EGFR: variants seen among roughly 807,000 people sequenced by gnomAD.
The protein encoded by EGFR is epidermal growth factor receptor.
EGFR carries 58 observed loss-of-function variants against 143.0 expected under a neutral mutation model. The observed-to-expected ratio is 0.41, with a 90% CI of 0.33 to 0.50. The LOEUF (loss-of-function observed/expected upper bound fraction) is 0.50, where lower values mean the gene tolerates loss of function less well. EGFR is among the 20% of genes least tolerant of loss of function. The probability of loss-of-function intolerance (pLI) is 0.39; values close to 1 mark genes in which losing one functional copy is unlikely to be tolerated. For synonymous variants in EGFR, 613 were observed against 594.4 expected (o/e 1.03, Z -0.45); for missense variants, 1,307 against 1,579.0 (o/e 0.83, Z 2.92).
intron 16 of EGFR, among the ~76,000 whole-genome samples, chr7:55,171,788 C>T (rs1357836485): frequency 2.0e-5 from 3 of 152,150 alleles, no homozygotes; most frequent in Non-Finnish European, 4.4e-5. Flanking sequence ...GTGTTACTCT[C>T]GATGGCGTCT....
intron 15 of EGFR, chr7:55,168,659 TC>T: frequency 7.2e-7 from 1 of 1,397,682 alleles, no homozygotes; most frequent in Non-Finnish European, 9.8e-7. Context: ...ATAAATATTT[TC>T]TTTAGTATGT....
At chr7:55,134,797 A>G (rs1226266593) in intron 1 of EGFR, among the ~76,000 whole-genome samples, 2 of 152,262 alleles carry the variant, frequency 1.3e-5, no homozygotes, top group African/African-American at 2.4e-5. Context: ...AGTTGCTGCC[A>G]TGTGAAGCCT....
intron 1 of EGFR, among the ~76,000 whole-genome samples, chr7:55,134,897 A>T (rs1794051831): frequency 1.3e-5 from 2 of 152,180 alleles, no homozygotes; most frequent in African/African-American, 4.8e-5. Flanking sequence ...TGCCCTGTGA[A>T]ATTCGCCGAG....
chr7:55,138,090 A>G (rs1457566872), intron 1 of EGFR, among the ~76,000 whole-genome samples: 1 of 152,246 alleles, frequency 6.6e-6, no homozygotes, highest in African/African-American at 2.4e-5. Flanking sequence ...AGACTAGAGG[A>G]CCATATCTGA....
At chr7:55,182,840 G>C (rs1584241698) in intron 20 of EGFR, among the ~76,000 whole-genome samples, 1 of 152,176 alleles carries the variant, frequency 6.6e-6, no homozygotes, top group Non-Finnish European at 1.5e-5. Context: ...TCCTATCACT[G>C]TTGTTAGACA....
rs532984983 is a variant in EGFR at position 55,109,045 on chromosome 7, G to C, written c.89-33241G>C. On this transcript the variant is annotated intron_variant, in intron 1 of 27. Transcript: ENST00000275493. ...ACTGCAATAGAGTGATACGCTGGAGGGGGCTGCAAGGGAGAAGGTGGGAGG... is the reference window on the plus strand; with the variant it reads ...ACTGCAATAGAGTGATACGCTGGAGCGGGCTGCAAGGGAGAAGGTGGGAGG... 2.4e-4 allele frequency among the ~76,000 whole-genome samples: 36 copies of C among 152,316 alleles called. 1 individual carries two copies. The highest frequency in any genetic ancestry group is 5.9e-4 in the Admixed American group (9 of 15,298).
Position 55,205,332 on chromosome 7 carries a change from C to A in EGFR, c.3348C>A (p.Asn1116Lys), listed in dbSNP as rs1186762640. ...QNPVYHNQPL[N>K]PAPSRDPHYQ... is the part of the protein sequence containing the mutation. ...CTGTCTATCACAATCAGCCTCTGAA[C>A]CCCGCGCCCAGCAGAGACCCACACT... The change falls in exon 28 of 28, where the codon AAC becomes AAA. Residue 1116 changes from asparagine (N) to lysine (K), a missense_variant. Asn to Lys is a moderately conservative substitution (Grantham distance 94). Coordinates refer to ENST00000275493, the MANE Select transcript of EGFR (RefSeq NM_005228.5). 1 of 1,611,460 alleles carries A rather than the reference C, an allele frequency of 6.2e-7. No individual in the cohort carries two copies. The highest frequency in any genetic ancestry group is 1.1e-5 in the South Asian group (1 of 90,730).
chr7:55,136,657 C>G (rs1363620312), intron 1 of EGFR, among the ~76,000 whole-genome samples: 2 of 152,186 alleles, frequency 1.3e-5, no homozygotes, highest in Non-Finnish European at 2.9e-5. Context: ...GGTGTGAAAG[C>G]AATGCACATT....
intron 16 of EGFR, chr7:55,172,760 G>A (rs1786407891): frequency 1.5e-6 from 2 of 1,305,812 alleles, no homozygotes. Flanking sequence ...TTTAAAAAAT[G>A]AGGAAAAGTG....
In EGFR at chr7:55,208,429, T is replaced by G. The variant is rs1208111560; in HGVS notation, c.*2812T>G. The G allele has an allele frequency of 6.6e-6, 1 of 152,266 alleles. No homozygotes were observed. The highest frequency in any genetic ancestry group is 1.9e-4 in the East Asian group (1 of 5,202). The allele number at this position is 152,266 out of a possible 1,614,324, so 9.4% of individuals were successfully genotyped here. A position where few individuals can be genotyped will look rare whatever the true frequency, so the allele number is the denominator to read the frequency against. ...GGCTGTTTCTTCCTCAGTCAGTTCCTGGAAGACCTTACCCCATGACCCCAG... is the reference window on the plus strand; with the variant it reads ...GGCTGTTTCTTCCTCAGTCAGTTCCGGGAAGACCTTACCCCATGACCCCAG... On this transcript the variant is annotated 3_prime_UTR_variant, in exon 28 of 28. Transcript: ENST00000275493.
At chr7:55,033,621 T>C (rs568234766) in intron 1 of EGFR, among the ~76,000 whole-genome samples, 1 of 152,264 alleles carries the variant, frequency 6.6e-6, no homozygotes, top group South Asian at 2.1e-4. Context: ...GGGCCTGGGC[T>C]CTCACCAGAG....
In EGFR at chr7:55,157,699, C is replaced by G. The variant is rs1274543317; in HGVS notation, c.1244C>G (p.Thr415Arg). 4 of 1,614,206 alleles carry G rather than the reference C, an allele frequency of 2.5e-6. No individual in the cohort carries two copies. Among genetic ancestry groups the G allele is most frequent in the Non-Finnish European group, 2.5e-6 (3 of 1,180,036 alleles). ...LLIQAWPENR[T>R]DLHAFENLEI... ...ATTCAGGCTTGGCCTGAAAACAGGACGGACCTCCATGCCTTTGAGAACCTA... is the reference window on the plus strand; with the variant it reads ...ATTCAGGCTTGGCCTGAAAACAGGAGGGACCTCCATGCCTTTGAGAACCTA... The change falls in exon 11 of 28, where the codon ACG becomes AGG. Residue 415 changes from threonine (T) to arginine (R), a missense_variant. This residue lies in a region of EGFR where 250 missense variants were observed against 295.1 expected (regional missense o/e 0.85). Transcript: ENST00000275493.
intron 1 of EGFR, among the ~76,000 whole-genome samples, chr7:55,031,139 G>T (rs1422325997): frequency 6.6e-6 from 1 of 152,224 alleles, no homozygotes; most frequent in East Asian, 1.9e-4. Flanking sequence ...CTCCAGCTGA[G>T]CAATGGATCT....
At chr7:55,114,807 A>G (rs1446655984) in intron 1 of EGFR, among the ~76,000 whole-genome samples, 1 of 151,816 alleles carries the variant, frequency 6.6e-6, no homozygotes, top group Non-Finnish European at 1.5e-5. Flanking sequence ...TACCGCCTGT[A>G]TAAATATCAG....
chr7:55,117,017 T>C (rs534240052), intron 1 of EGFR, among the ~76,000 whole-genome samples: 1 of 152,308 alleles, frequency 6.6e-6, no homozygotes, highest in East Asian at 1.9e-4. Context: ...CAGAGTGGCG[T>C]TGCTGGGTCA....
chr7:55,092,159 G>A (rs1404360452), intron 1 of EGFR, among the ~76,000 whole-genome samples: 2 of 152,090 alleles, frequency 1.3e-5, no homozygotes, highest in Non-Finnish European at 2.9e-5. Context: ...GCTCTGCTCA[G>A]GACAGAATGG....
intron 1 of EGFR, among the ~76,000 whole-genome samples, chr7:55,052,948 A>G (rs1788576899): frequency 6.6e-6 from 1 of 152,126 alleles, no homozygotes; most frequent in African/African-American, 2.4e-5. Context: ...TCAGAGACAG[A>G]GTGAAGTCAT....
intron 1 of EGFR, among the ~76,000 whole-genome samples, chr7:55,133,981 C>T (rs2128921807): frequency 6.6e-6 from 1 of 152,296 alleles, no homozygotes; most frequent in South Asian, 2.1e-4. Context: ...AAGTAGAATG[C>T]TGGCCCGAGA....
intron 14 of EGFR, 46 bp from the exon 15 acceptor site, chr7:55,165,234 G>A: frequency 6.2e-7 from 1 of 1,613,252 alleles, no homozygotes; most frequent in Admixed American, 1.7e-5. Flanking sequence ...TTTTGAAAGA[G>A]AAAAGAAAGA....
Sources: allele counts gnomAD v4.1 joint callset (sites outside exome capture counted in the v4.1 genomes callset), GRCh38; gene constraint gnomAD v4.1.1; regional missense constraint gnomAD v4.1.1; transcripts MANE v1.5; gene names NCBI Gene and HGNC (gene_info 2026-07-23, HGNC 2026-07-21).